Variants in DLGAP2 observed in about 807,000 individuals in gnomAD.
DLGAP2 encodes disks large-associated protein 2.
DLGAP2 carries 26 observed loss-of-function variants against 100.3 expected under a neutral mutation model. The observed-to-expected ratio is 0.26, with a 90% CI of 0.19 to 0.36. The LOEUF (loss-of-function observed/expected upper bound fraction) is 0.36. DLGAP2 is among the 10% of genes least tolerant of loss of function. DLGAP2 has a pLI of 1.00. For synonymous variants in DLGAP2, 886 were observed against 630.1 expected, an observed-to-expected ratio of 1.41 and a Z score of -6.08; for missense variants, 1,858 against 1,453.2, an observed-to-expected ratio of 1.28 and a Z score of -4.53.
chr8:875,339 C>G (rs1357933572), intron 1 of DLGAP2, among the ~76,000 whole-genome samples: 1 of 152,158 alleles, frequency 6.6e-6, no homozygotes. Context: ...CCACCCAAAT[C>G]TCATCTTGAA....
intron 3 of DLGAP2, among the ~76,000 whole-genome samples, chr8:1,303,975 C>G (rs1800429048): frequency 6.6e-6 from 1 of 152,138 alleles, no homozygotes; most frequent in Non-Finnish European, 1.5e-5. Context: ...GGTAATTTTT[C>G]CATTTGTGAG....
chr8:1,025,581 G>C (rs566195372), intron 2 of DLGAP2, among the ~76,000 whole-genome samples: 8 of 152,156 alleles, frequency 5.3e-5, no homozygotes, highest in Non-Finnish European at 1.5e-5. Flanking sequence ...CAGCTGTGTG[G>C]AATTCTGCCG....
intron 3 of DLGAP2, among the ~76,000 whole-genome samples, chr8:1,296,677 C>T (rs1001545418): frequency 6.6e-6 from 1 of 152,238 alleles, no homozygotes; most frequent in Non-Finnish European, 1.5e-5. Context: ...ACAGAGAACA[C>T]AGCCCTTTCC....
chr8:1,639,065 C>A (rs1489526031), intron 8 of DLGAP2, among the ~76,000 whole-genome samples: 1 of 152,342 alleles, frequency 6.6e-6, no homozygotes, highest in South Asian at 2.1e-4. Context: ...GCCAACAGGG[C>A]CCAGCCCACA....
At chr8:1,076,009 G>A (rs918139623) in intron 2 of DLGAP2, among the ~76,000 whole-genome samples, 12 of 152,202 alleles carry the variant, frequency 7.9e-5, no homozygotes, top group African/African-American at 1.2e-4. Flanking sequence ...GAGAGCAATT[G>A]GAAGATGCAT....
chr8:879,613 C>T (rs1797748659), intron 1 of DLGAP2, among the ~76,000 whole-genome samples: 1 of 152,184 alleles, frequency 6.6e-6, no homozygotes, highest in Non-Finnish European at 1.5e-5. Context: ...GAGCCAAGAA[C>T]ACACAAATCC....
chr8:1,417,179 T>TCATTTAGCG (rs1796915627), intron 3 of DLGAP2, among the ~76,000 whole-genome samples: 1 of 140,694 alleles, frequency 7.1e-6, no homozygotes. Flanking sequence ...CCCCGTTCAT[T>TCATTTAGCG]TAGTGTCTGA....
intron 3 of DLGAP2, among the ~76,000 whole-genome samples, chr8:1,444,879 G>A (rs1490365352): frequency 6.9e-6 from 1 of 145,906 alleles, no homozygotes; most frequent in Non-Finnish European, 1.5e-5. Context: ...TTCCAATTCA[G>A]GCAATTCTAC....
intron 2 of DLGAP2, among the ~76,000 whole-genome samples, chr8:1,188,921 T>C (rs763654576): frequency 2.6e-4 from 39 of 152,372 alleles, no homozygotes; most frequent in Middle Eastern, 3.4e-3. Flanking sequence ...CAGGTTGCCT[T>C]GTGGTGCGGC....
At chr8:804,033 A>G (rs952406630) in intron 1 of DLGAP2, among the ~76,000 whole-genome samples, 2 of 152,088 alleles carry the variant, frequency 1.3e-5, no homozygotes, top group Non-Finnish European at 2.9e-5. Flanking sequence ...TTTTAGATTT[A>G]TATGGTGGCG....
intron 2 of DLGAP2, among the ~76,000 whole-genome samples, chr8:1,237,085 G>T (rs1193308203): frequency 0.018 from 2,395 of 135,814 alleles, 139 homozygotes; most frequent in African/African-American, 0.066. Context: ...ATGGCGCCGT[G>T]TCTAGTTCTC....
intron 1 of DLGAP2, among the ~76,000 whole-genome samples, chr8:847,801 G>T (rs979462915): frequency 1.3e-5 from 2 of 152,124 alleles, no homozygotes; most frequent in African/African-American, 2.4e-5. Flanking sequence ...GAGTCACTGC[G>T]CCTGGCCTTT....
Position 1,455,493 on chromosome 8 carries a change from G to A in DLGAP2, c.107-45873G>A, listed in dbSNP as rs150761976. Among the ~76,000 whole-genome samples, 18 of 152,344 alleles carry A rather than the reference G, an allele frequency of 1.2e-4. No individual in the cohort carries two copies. The East Asian group carries it at 3.3e-3, about 28-fold the overall frequency. On this transcript the variant is annotated intron_variant, in intron 3 of 14. Coordinates refer to ENST00000637795, the MANE Select transcript of DLGAP2 (RefSeq NM_001346810.2). ...GGCCTGAGCCTAGACAGCTTTGCCC[G>A]TGTCCTTCACGCCTGAGCAGGGCTG...
chr8:1,304,371 G>A (rs781453181), intron 3 of DLGAP2, among the ~76,000 whole-genome samples: 4 of 152,350 alleles, frequency 2.6e-5, no homozygotes, highest in East Asian at 1.9e-4. Flanking sequence ...CTGGTGGAAC[G>A]AGGAGGAATT....
chr8:770,568 G>A (rs1821330014), intron 1 of DLGAP2, among the ~76,000 whole-genome samples: 1 of 152,166 alleles, frequency 6.6e-6, no homozygotes, highest in African/African-American at 2.4e-5. Context: ...TTCACTTGGT[G>A]TCTCCTTGGC....
intron 2 of DLGAP2, among the ~76,000 whole-genome samples, chr8:1,015,012 CTG>C (rs774048929): frequency 5.7e-4 from 5 of 8,812 alleles, no homozygotes; most frequent in East Asian, 1.7e-3. Flanking sequence ...GACGCCTCCA[CTG>C]TGTGTGTGAC....
chr8:864,804 A>G (rs1797464095), intron 1 of DLGAP2, among the ~76,000 whole-genome samples: 1 of 152,186 alleles, frequency 6.6e-6, no homozygotes, highest in African/African-American at 2.4e-5. Flanking sequence ...TGTTTTTAAA[A>G]AGGGATGGCT....
At chr8:1,507,555 GCC>G in intron 4 of DLGAP2, among the ~76,000 whole-genome samples, 1 of 152,264 alleles carries the variant, frequency 6.6e-6, no homozygotes, top group South Asian at 2.1e-4. Context: ...GCCTCGGCCA[GCC>G]CCCAGGGCAG....
chr8:765,384 G>T (rs140743046), intron 1 of DLGAP2, among the ~76,000 whole-genome samples: 201 of 152,234 alleles, frequency 1.3e-3, no homozygotes, highest in African/African-American at 4.6e-3. Flanking sequence ...TTATGCGGTG[G>T]ATAGAAAACA....
Sources: gnomAD v4.1 joint callset for allele counts (sites outside exome capture counted in the v4.1 genomes callset) on GRCh38, gnomAD v4.1.1 for gene constraint, MANE v1.5 for transcripts, NCBI Gene and HGNC (gene_info 2026-07-23, HGNC 2026-07-21) for gene names.